The following TSPAN14 variants were observed in gnomAD, a reference collection of about 807,000 sequenced individuals.
The protein encoded by TSPAN14 is tetraspanin-14.
TSPAN14 carries 16 observed loss-of-function variants against 36.6 expected under a neutral mutation model. That is an observed-to-expected ratio of 0.44 (90% CI 0.30 to 0.66). The LOEUF (loss-of-function observed/expected upper bound fraction) is 0.66, where lower values mean the gene tolerates loss of function less well. Among genes scored for constraint, TSPAN14 ranks in the 30% least tolerant of loss-of-function variants. The pLI is 0.12. For missense variants in TSPAN14, 231 were observed against 355.1 expected, an observed-to-expected ratio of 0.65 and a Z score of 2.81; for synonymous variants, 139 against 143.8, an observed-to-expected ratio of 0.97 and a Z score of 0.24.
chr10:80,507,505 C>A, intron 4 of TSPAN14, 131 bp downstream of exon 4: 1 of 1,269,178 alleles, frequency 7.9e-7, no homozygotes, highest in Non-Finnish European at 1.1e-6. Flanking sequence ...TGCCTGGGAG[C>A]AGGAGGCAGC....
At chr10:80,507,239 C>T (rs200398177) in exon 4 of TSPAN14, 27 of 1,614,202 alleles carry the variant, frequency 1.7e-5, no homozygotes, top group East Asian at 2.2e-5. Context: ...GTGTGCTGTC[C>T]GACCTCACCA....
intron 8 of TSPAN14, 101 bp from the exon 9 acceptor site, chr10:80,517,804 G>A: frequency 8.8e-7 from 1 of 1,136,922 alleles, no homozygotes; most frequent in South Asian, 1.4e-5. Context: ...TGGGGGGTGA[G>A]GAGAGGCGTG....
intron 1 of TSPAN14, among the ~76,000 whole-genome samples, chr10:80,466,219 T>C (rs563962526): frequency 1.8e-3 from 276 of 152,306 alleles, no homozygotes; most frequent in African/African-American, 6.4e-3. Flanking sequence ...GAAGCAAGCC[T>C]CAGCCCCAGA....
intron 4 of TSPAN14, among the ~76,000 whole-genome samples, chr10:80,508,745 C>A (rs1402949785): frequency 6.6e-6 from 1 of 152,192 alleles, no homozygotes; most frequent in African/African-American, 2.4e-5. Flanking sequence ...AACTATGTGA[C>A]CTCAGGCAAG....
chr10:80,478,636 G>T (rs1435596554), intron 1 of TSPAN14, among the ~76,000 whole-genome samples: 2 of 152,206 alleles, frequency 1.3e-5, no homozygotes, highest in South Asian at 2.1e-4. Context: ...AATCTGAGTG[G>T]TTTCGGGCTT....
At chr10:80,491,180 T>TC (rs1487537954) in intron 2 of TSPAN14, among the ~76,000 whole-genome samples, 1 of 152,222 alleles carries the variant, frequency 6.6e-6, no homozygotes, top group Non-Finnish European at 1.5e-5. Context: ...TTTCCTGTGG[T>TC]CCGATAACTT....
chr10:80,469,428 C>T (rs796919804), intron 1 of TSPAN14, among the ~76,000 whole-genome samples: 1 of 152,292 alleles, frequency 6.6e-6, no homozygotes, highest in African/African-American at 2.4e-5. Flanking sequence ...GAGGTGCTCT[C>T]CTGATTTCAC....
chr10:80,457,496 C>T (rs1165189016), intron 1 of TSPAN14, among the ~76,000 whole-genome samples: 11 of 152,184 alleles, frequency 7.2e-5, no homozygotes, highest in Admixed American at 7.2e-4. Flanking sequence ...ACCAGGTTTT[C>T]TCATTTCTAA....
At chr10:80,472,898 C>A (rs1370439581) in intron 1 of TSPAN14, among the ~76,000 whole-genome samples, 1 of 152,216 alleles carries the variant, frequency 6.6e-6, no homozygotes, top group Non-Finnish European at 1.5e-5. Flanking sequence ...CCAAGTCTAT[C>A]ACAGTTCTGT....
At chr10:80,485,971 G>A (rs768265029) in intron 1 of TSPAN14, among the ~76,000 whole-genome samples, 4 of 152,188 alleles carry the variant, frequency 2.6e-5, no homozygotes, top group Non-Finnish European at 5.9e-5. Context: ...ATCAGGATAC[G>A]TTGTCTGGGT....
intron 5 of TSPAN14, among the ~76,000 whole-genome samples, chr10:80,511,446 G>A (rs951836493): frequency 2.0e-5 from 3 of 152,156 alleles, no homozygotes; most frequent in Non-Finnish European, 4.4e-5. Context: ...CCACACCAAG[G>A]TGCCGAGGGG....
chr10:80,514,475 G>T (rs1456279134), intron 7 of TSPAN14, among the ~76,000 whole-genome samples: 1 of 152,168 alleles, frequency 6.6e-6, no homozygotes, highest in Non-Finnish European at 1.5e-5. Context: ...AGGGAGGCAG[G>T]CCTGGGGCAG....
intron 6 of TSPAN14, among the ~76,000 whole-genome samples, chr10:80,513,550 G>T (rs1840769857): frequency 6.6e-6 from 1 of 152,134 alleles, no homozygotes; most frequent in South Asian, 2.1e-4. Context: ...CCAAGTATAG[G>T]TCTTACCTCC....
chr10:80,498,785 T>C (rs950708149), intron 2 of TSPAN14, among the ~76,000 whole-genome samples: 5 of 152,220 alleles, frequency 3.3e-5, no homozygotes, highest in Non-Finnish European at 2.9e-5. Context: ...CTTCAATCTT[T>C]ACAACCTTCC....
intron 1 of TSPAN14, among the ~76,000 whole-genome samples, chr10:80,474,010 C>T (rs951621761): frequency 1.2e-4 from 18 of 152,244 alleles, no homozygotes; most frequent in Admixed American, 5.2e-4. Flanking sequence ...AGGCTTCTCT[C>T]CCTGGGCCTG....
chr10:80,485,206 T>TGC (rs1847523175), intron 1 of TSPAN14, among the ~76,000 whole-genome samples: 1 of 151,868 alleles, frequency 6.6e-6, no homozygotes, highest in Non-Finnish European at 1.5e-5. Flanking sequence ...CGTGCGTGTG[T>TGC]GTGTGTAAGA....
intron 2 of TSPAN14, among the ~76,000 whole-genome samples, chr10:80,490,301 A>C (rs963533735): frequency 6.6e-6 from 1 of 152,110 alleles, no homozygotes; most frequent in Non-Finnish European, 1.5e-5. Context: ...GTCTTGGCCA[A>C]CCACCATCAG....
exon 9 of TSPAN14, chr10:80,519,823 T>G (rs1564752571): frequency 6.6e-6 from 1 of 151,808 alleles, no homozygotes; most frequent in Non-Finnish European, 1.5e-5. Flanking sequence ...TTTAAGATTC[T>G]GTATGGCAGC....
chr10:80,497,125 T>C (rs1330959375), intron 2 of TSPAN14, among the ~76,000 whole-genome samples: 1 of 152,260 alleles, frequency 6.6e-6, no homozygotes, highest in Non-Finnish European at 1.5e-5. Flanking sequence ...TACGTAGTTG[T>C]AGATCATTTA....
Sources: allele counts gnomAD v4.1 joint callset (sites outside exome capture counted in the v4.1 genomes callset), GRCh38; gene constraint gnomAD v4.1.1; transcripts MANE v1.5; gene names NCBI Gene and HGNC (gene_info 2026-07-23, HGNC 2026-07-21).